DOCK1: variants seen among roughly 807,000 people sequenced by gnomAD.
DOCK1 encodes the protein dedicator of cytokinesis 1.
DOCK1 carries 138 observed loss-of-function variants against 262.7 expected under a neutral mutation model. The observed-to-expected ratio is 0.53, with a 90% CI of 0.46 to 0.61. The LOEUF (loss-of-function observed/expected upper bound fraction) is 0.61. Ranked by LOEUF, DOCK1 falls within the 20% of genes least tolerant of loss-of-function variation. The pLI, the probability that DOCK1 is intolerant of heterozygous loss-of-function variation, is 0.00. For synonymous variants in DOCK1, 866 were observed against 867.4 expected (o/e 1.00, Z 0.03); for missense variants, 1,908 against 2,370.7 (o/e 0.80, Z 4.05).
At position 127,451,672 on chromosome 10, in the gene DOCK1, G is replaced by T; in HGVS notation, c.*245G>T. 4 of 777,532 alleles carry T rather than the reference G, an allele frequency of 5.1e-6. No homozygotes were observed. The highest frequency in any genetic ancestry group is 7.5e-6 in the Non-Finnish European group (4 of 532,976). 48.2% of individuals were successfully genotyped at this position (777,532 alleles called of 1,614,324 possible). ...TGCTATCGTAGTTATCAGAGTTGGG[G>T]GCCTCTGAGTGTGTCTGGCTCTGAG... is the stretch of plus-strand genomic sequence containing the variant. On this transcript the variant is annotated 3_prime_UTR_variant, in exon 52 of 52. Coordinates refer to ENST00000623213, the MANE Select transcript of DOCK1 (RefSeq NM_001290223.2).
intron 1 of DOCK1, among the ~76,000 whole-genome samples, chr10:126,939,176 A>G (rs1346511697): frequency 6.6e-6 from 1 of 151,664 alleles, no homozygotes; most frequent in African/African-American, 2.4e-5. Flanking sequence ...AAGGGAAGGA[A>G]CCCCCTTCCT....
chr10:127,121,540 T>C (rs2049578745), intron 25 of DOCK1, among the ~76,000 whole-genome samples: 3 of 151,894 alleles, frequency 2.0e-5, no homozygotes, highest in African/African-American at 7.3e-5. Context: ...GTGCTCTTGA[T>C]TTGCTATCTT....
At chr10:127,417,568 G>A (rs1405423518) in intron 44 of DOCK1, among the ~76,000 whole-genome samples, 1 of 152,122 alleles carries the variant, frequency 6.6e-6, no homozygotes, top group Non-Finnish European at 1.5e-5. Context: ...CAGGGGCCAT[G>A]AGCTCTCTTT....
chr10:126,994,303 G>GTTTA (rs34542672), intron 6 of DOCK1, among the ~76,000 whole-genome samples: 38 of 151,198 alleles, frequency 2.5e-4, no homozygotes, highest in South Asian at 1.7e-3. Context: ...AATATGTACT[G>GTTTA]TTTATTTATT....
At position 127,230,987 on chromosome 10, in the gene DOCK1, A is replaced by G. The variant is rs79708798; in HGVS notation, c.2848-17021A>G. Among the ~76,000 whole-genome samples the G allele has an allele frequency of 1.8e-3, 272 of 151,932 alleles. 1 individual carries two copies. The East Asian group carries it at 0.023, about 13-fold the overall frequency. On this transcript the variant is annotated intron_variant, in intron 27 of 51. Coordinates refer to ENST00000623213, the MANE Select transcript of DOCK1 (RefSeq NM_001290223.2). ...ATTTTTATCATCTTCAGTTTCATCAATGTTTTATAGTTTTCAGTGTACAGA... is the reference window on the plus strand; with the variant it reads ...ATTTTTATCATCTTCAGTTTCATCAGTGTTTTATAGTTTTCAGTGTACAGA...
intron 27 of DOCK1, among the ~76,000 whole-genome samples, chr10:127,228,270 T>G (rs1206237238): frequency 1.3e-5 from 2 of 152,152 alleles, no homozygotes; most frequent in Admixed American, 1.3e-4. Context: ...CCACCTTCCC[T>G]CGTTCCTCAT....
chr10:127,222,144 A>G (rs1230620221), intron 27 of DOCK1, among the ~76,000 whole-genome samples: 1 of 152,186 alleles, frequency 6.6e-6, no homozygotes, highest in Admixed American at 6.5e-5. Context: ...TTAAAGGCTC[A>G]CATGTGGGGA....
At chr10:127,292,228 G>T (rs7895972) in intron 29 of DOCK1, among the ~76,000 whole-genome samples, 36,791 of 146,498 alleles carry the variant, frequency 0.25, 4,859 homozygotes, top group African/African-American at 0.4. Context: ...GTTTTCGGGG[G>T]AGGGGGGGCC....
Position 127,343,692 on chromosome 10 carries a change from A to G in DOCK1, c.3170A>G (p.Glu1057Gly). 6.2e-7 allele frequency: 1 copy of G among 1,611,738 alleles called. No homozygotes were observed. Among genetic ancestry groups the G allele is most frequent in the African/African-American group, 1.3e-5 (1 of 75,040 alleles). Reference sequence around the variant, plus strand: ...CTGGCTGTTGCTTTCCTTACTCAAGAGTCCCTGCAACTGGAGAATTTTTCA... The same window carrying G: ...CTGGCTGTTGCTTTCCTTACTCAAGGGTCCCTGCAACTGGAGAATTTTTCA... ...FHLAVAFLTQ[E>G]SLQLENFSSA... The change falls in exon 31 of 52, where the codon GAG becomes GGG. Residue 1057 changes from glutamate to glycine, a missense_variant. Glu to Gly is a moderately conservative substitution (Grantham distance 98). Around this residue, in one of 9 missense-constraint regions of DOCK1, gnomAD observed 518 missense variants for 575.1 expected, o/e 0.90. Coordinates refer to ENST00000623213, the MANE Select transcript of DOCK1 (RefSeq NM_001290223.2).
At chr10:127,272,227 A>C (rs966967921) in intron 29 of DOCK1, 6 of 152,208 alleles carry the variant, frequency 3.9e-5, no homozygotes, top group African/African-American at 1.4e-4. Context: ...GTTATTCTGC[A>C]GTTTGGTTGA....
rs76163415 is a variant in DOCK1 at position 127,169,022 on chromosome 10, G to C, written c.2847+41258G>C. Among the ~76,000 whole-genome samples the C allele has an allele frequency of 3.3e-3, 504 of 152,276 alleles. 3 individuals carry two copies. Among genetic ancestry groups the C allele is most frequent in the African/African-American group, 0.012 (486 of 41,564 alleles). The stretch of plus-strand genomic sequence containing the variant: ...AATATGAGGACATAAGATACAGCAA[G>C]TATATCATTTCTACCCATCTAGCAT... On this transcript the variant is annotated intron_variant, in intron 27 of 51. Transcript: ENST00000623213.
intron 27 of DOCK1, among the ~76,000 whole-genome samples, chr10:127,219,786 C>T (rs903735779): frequency 6.6e-6 from 1 of 152,022 alleles, no homozygotes; most frequent in African/African-American, 2.4e-5. Context: ...CAACCATGAC[C>T]CTGCCCATGG....
intron 31 of DOCK1, among the ~76,000 whole-genome samples, chr10:127,349,089 C>T (rs2063767849): frequency 6.6e-6 from 1 of 152,116 alleles, no homozygotes; most frequent in Non-Finnish European, 1.5e-5. Context: ...CCCACCCCCT[C>T]TCACCTCTTT....
chr10:127,163,347 G>A (rs762002365), intron 27 of DOCK1, among the ~76,000 whole-genome samples: 3 of 151,820 alleles, frequency 2.0e-5, no homozygotes, highest in Non-Finnish European at 2.9e-5. Context: ...CACATTTATC[G>A]CCATGGAGTA....
intron 25 of DOCK1, 91 bp downstream of exon 25, chr10:127,110,445 G>A (rs2048797916): frequency 1.7e-6 from 2 of 1,182,156 alleles, no homozygotes; most frequent in Non-Finnish European, 2.5e-6. Flanking sequence ...GACAAAAGGA[G>A]TAGAGGCTGC....
Position 127,416,544 on chromosome 10 carries a change from T to C in DOCK1, c.4515+1306T>C, listed in dbSNP as rs752028786. The stretch of plus-strand genomic sequence containing the variant: ...GCTTCTCCTCGGGCTGCTTTGGCCA[T>C]TTTGAACAGACTAAGAGGGCAGGAA... On this transcript the variant is annotated intron_variant, in intron 44 of 51. Coordinates refer to ENST00000623213, the MANE Select transcript of DOCK1 (RefSeq NM_001290223.2). Among the ~76,000 whole-genome samples, 96 of 152,136 alleles carry C rather than the reference T, an allele frequency of 6.3e-4. 2 individuals are homozygous for C. Among genetic ancestry groups the C allele is most frequent in the Admixed American group, 6.5e-4 (10 of 15,274 alleles).
chr10:127,137,859 C>G, intron 27 of DOCK1: 1 of 1,613,880 alleles, frequency 6.2e-7, no homozygotes, highest in Non-Finnish European at 8.5e-7. Context: ...GAGTTTCCAT[C>G]TTCCGTGCTT....
chr10:127,363,007 A>G (rs55646836), intron 33 of DOCK1, among the ~76,000 whole-genome samples: 85 of 122,848 alleles, frequency 6.9e-4, no homozygotes, highest in Admixed American at 1.1e-3. Context: ...ACACACACGC[A>G]CATCCCCACA....
At chr10:127,423,414 C>G (rs1473335913) in intron 46 of DOCK1, among the ~76,000 whole-genome samples, 1 of 152,164 alleles carries the variant, frequency 6.6e-6, no homozygotes, top group Non-Finnish European at 1.5e-5. Context: ...GCCTCAGAAA[C>G]AGAGGATGGG....
Sources: gnomAD v4.1 joint callset for allele counts (sites outside exome capture counted in the v4.1 genomes callset) on GRCh38, gnomAD v4.1.1 for gene constraint, gnomAD v4.1.1 regional missense constraint, MANE v1.5 for transcripts, NCBI Gene and HGNC (gene_info 2026-07-23, HGNC 2026-07-21) for gene names.